The following FGF7 variants were observed in gnomAD, a reference collection of about 807,000 sequenced individuals.
FGF7 encodes FGF-7.
A neutral mutation model predicts 20.5 loss-of-function variants in FGF7; 6 were observed. The ratio of observed to expected loss-of-function variants is 0.29; its 90% CI spans 0.16 to 0.58. The LOEUF (loss-of-function observed/expected upper bound fraction) is 0.58. Among genes scored for constraint, FGF7 ranks in the 20% least tolerant of loss-of-function variants. FGF7 has a pLI of 0.90. For missense variants in FGF7, 144 were observed against 228.8 expected (o/e 0.63, Z 2.39); for synonymous variants, 64 against 74.7 (o/e 0.86, Z 0.74).
chr15:49,461,539 C>T (rs2053800579), intron 2 of FGF7, among the ~76,000 whole-genome samples: 1 of 152,144 alleles, frequency 6.6e-6, no homozygotes, highest in Admixed American at 6.5e-5. Context: ...TGCTAGATGT[C>T]TTGTCTATCT....
chr15:49,424,625 T>C (rs1597100979), intron 2 of FGF7, 42 bp downstream of exon 2: 2 of 1,418,634 alleles, frequency 1.4e-6, no homozygotes, highest in Non-Finnish European at 9.5e-7. Context: ...TAGCAATCTG[T>C]TAATGGATCA....
At position 49,453,294 on chromosome 15, in the gene FGF7, G is replaced by C. The variant is rs138266669; in HGVS notation, c.286+28711G>C. On this transcript the variant is annotated intron_variant, in intron 2 of 3. Transcript: ENST00000267843. Reference sequence around the variant, plus strand: ...TATTATTATTTTTTATTTTAAGATGGGATTTCACCATGTTACCCAGGCTGG... The same window carrying C: ...TATTATTATTTTTTATTTTAAGATGCGATTTCACCATGTTACCCAGGCTGG... Among the ~76,000 whole-genome samples the C allele has an allele frequency of 1.9e-3, 285 of 151,338 alleles. 1 individual carries two copies. The highest frequency in any genetic ancestry group is 6.5e-3 in the African/African-American group (269 of 41,198).
intron 2 of FGF7, among the ~76,000 whole-genome samples, chr15:49,449,726 G>A (rs1404447026): frequency 6.6e-6 from 1 of 151,910 alleles, no homozygotes; most frequent in East Asian, 1.9e-4. Context: ...CTATACTTGT[G>A]CAATTGCTTT....
intron 2 of FGF7, among the ~76,000 whole-genome samples, chr15:49,476,889 C>T (rs968847232): frequency 1.3e-5 from 2 of 151,920 alleles, no homozygotes; most frequent in African/African-American, 4.8e-5. Flanking sequence ...GAAACCTCGT[C>T]TCTACTAAAA....
At chr15:49,442,995 T>G (rs773471446) in intron 2 of FGF7, among the ~76,000 whole-genome samples, 6 of 151,720 alleles carry the variant, frequency 4.0e-5, no homozygotes, top group Non-Finnish European at 7.4e-5. Context: ...CTGTATTGCA[T>G]CTCACAAAAC....
At chr15:49,474,827 GA>G (rs1321068852) in intron 2 of FGF7, among the ~76,000 whole-genome samples, 1 of 152,066 alleles carries the variant, frequency 6.6e-6, no homozygotes, top group Non-Finnish European at 1.5e-5. Context: ...TGCTCCGTAC[GA>G]AAATCTCACT....
intron 2 of FGF7, among the ~76,000 whole-genome samples, chr15:49,446,165 A>G (rs1360121444): frequency 6.6e-6 from 1 of 151,632 alleles, no homozygotes; most frequent in African/African-American, 2.4e-5. Context: ...TCATTGAGGA[A>G]GGCTTCACTC....
chr15:49,440,961 A>T (rs188379819), intron 2 of FGF7, among the ~76,000 whole-genome samples: 46 of 151,944 alleles, frequency 3.0e-4, no homozygotes, highest in Admixed American at 2.0e-3. Context: ...AAGAAAACTC[A>T]ACCTGCTTAC....
intron 2 of FGF7, among the ~76,000 whole-genome samples, chr15:49,460,628 C>G (rs2151925703): frequency 6.6e-6 from 1 of 152,200 alleles, no homozygotes; most frequent in Non-Finnish European, 1.5e-5. Context: ...AGTCAGAAAA[C>G]AAATATTTTA....
chr15:49,481,007 T>A (rs1317766384), intron 2 of FGF7, among the ~76,000 whole-genome samples: 4 of 152,214 alleles, frequency 2.6e-5, no homozygotes, highest in Non-Finnish European at 5.9e-5. Flanking sequence ...CAGTCCCTAA[T>A]AACTGATCAT....
In FGF7 at chr15:49,424,398, A is replaced by T. The variant is rs779375910; in HGVS notation, c.101A>T (p.Asp34Val). 6.2e-7 allele frequency: 1 copy of T among 1,613,730 alleles called. No homozygotes were observed. Among genetic ancestry groups the T allele is most frequent in the South Asian group, 1.1e-5 (1 of 91,076 alleles). The change falls in exon 2 of 4, where the codon GAC (aspartate) becomes GTC (valine). Residue 34 changes from aspartate (D) to valine (V), a missense_variant. Transcript: ENST00000267843. Reference sequence around the variant, plus strand: ...GGTACTATATCTTTAGCTTGCAATGACATGACTCCAGAGCAAATGGCTACA... The same window carrying T: ...GGTACTATATCTTTAGCTTGCAATGTCATGACTCCAGAGCAAATGGCTACA... ...LVGTISLACNDMTPEQMATNV... is the reference protein window; with the variant it reads ...LVGTISLACNVMTPEQMATNV...
intron 2 of FGF7, among the ~76,000 whole-genome samples, chr15:49,426,323 G>A (rs569427810): frequency 1.3e-5 from 2 of 151,812 alleles, no homozygotes; most frequent in Non-Finnish European, 2.9e-5. Flanking sequence ...CTCACACAAC[G>A]AATGAGATGA....
chr15:49,482,318 T>A (rs1284985004), intron 2 of FGF7, among the ~76,000 whole-genome samples: 1 of 152,104 alleles, frequency 6.6e-6, no homozygotes, highest in Non-Finnish European at 1.5e-5. Flanking sequence ...TAAGTTACCA[T>A]TCTTGTGTAA....
At chr15:49,470,918 A>G (rs1483086743) in intron 2 of FGF7, among the ~76,000 whole-genome samples, 1 of 152,226 alleles carries the variant, frequency 6.6e-6, no homozygotes, top group Non-Finnish European at 1.5e-5. Flanking sequence ...TCCAGGATGT[A>G]AGGACACCAA....
chr15:49,484,387 G>A lies in FGF7; in HGVS notation c.468G>A (p.Trp156Ter). ...NHYNTYASAK[W>*]THNGGEMFVA... The stretch of plus-strand genomic sequence containing the variant: ...ACAACACATATGCATCAGCTAAATG[G>A]ACACACAACGGAGGGGAAATGTTTG... The change falls in exon 4 of 4, where the codon TGG becomes TGA. Residue 156 changes from tryptophan to a stop codon, truncating the protein, a stop_gained. Transcript: ENST00000267843. LOFTEE classifies it high-confidence loss of function. The A allele has an allele frequency of 6.3e-7, 1 of 1,594,334 alleles. No individual in the cohort carries two copies. The highest frequency in any genetic ancestry group is 8.5e-7 in the Non-Finnish European group (1 of 1,178,042).
At chr15:49,433,648 TG>T (rs1435896559) in intron 2 of FGF7, among the ~76,000 whole-genome samples, 5 of 151,634 alleles carry the variant, frequency 3.3e-5, no homozygotes, top group Non-Finnish European at 7.4e-5. Flanking sequence ...TTCAAGGAAC[TG>T]GTGGAAAATT....
chr15:49,434,560 C>T (rs569513231), intron 2 of FGF7: 1 of 151,582 alleles, frequency 6.6e-6, no homozygotes, highest in South Asian at 2.1e-4. Flanking sequence ...AGAGGAAATG[C>T]TTTTTGTAGA....
chr15:49,459,621 A>AT (rs1264358418), intron 2 of FGF7, among the ~76,000 whole-genome samples: 2 of 152,092 alleles, frequency 1.3e-5, no homozygotes, highest in Non-Finnish European at 2.9e-5. Context: ...ATGTAAATTT[A>AT]TAGAGTTTGA....
At chr15:49,440,765 G>T (rs1247091835) in intron 2 of FGF7, among the ~76,000 whole-genome samples, 1 of 151,626 alleles carries the variant, frequency 6.6e-6, no homozygotes, top group Non-Finnish European at 1.5e-5. Flanking sequence ...ACAGAGTCAG[G>T]ACCTGAACTC....
Sources: allele counts gnomAD v4.1 joint callset (sites outside exome capture counted in the v4.1 genomes callset), GRCh38; gene constraint gnomAD v4.1.1; transcripts MANE v1.5; gene names NCBI Gene and HGNC (gene_info 2026-07-23, HGNC 2026-07-21).